Variants in TBK1 observed in about 807,000 individuals in gnomAD.
The protein encoded by TBK1 is TANK binding kinase 1.
In TBK1, 37 loss-of-function variants were observed where a neutral mutation model predicts 99.9. The ratio of observed to expected loss-of-function variants is 0.37; its 90% CI spans 0.28 to 0.49. The LOEUF is 0.49. Among genes scored for constraint, TBK1 ranks in the 20% least tolerant of loss-of-function variants. The pLI is 0.98. For synonymous variants in TBK1, 258 were observed against 279.8 expected (o/e 0.92, Z 0.78); for missense variants, 644 against 872.5 (o/e 0.74, Z 3.30).
At chr12:64,472,358 A>G (rs1020862005) in intron 5 of TBK1, among the ~76,000 whole-genome samples, 1 of 150,866 alleles carries the variant, frequency 6.6e-6, no homozygotes, top group East Asian at 1.9e-4. Context: ...CATTTCCTAC[A>G]CTGGTTCCCA....
chr12:64,462,300 T>C (rs1020931678), intron 3 of TBK1, among the ~76,000 whole-genome samples: 3 of 152,224 alleles, frequency 2.0e-5, no homozygotes, highest in Non-Finnish European at 2.9e-5. Flanking sequence ...CACACAATAG[T>C]TAAGTGGTAA....
At chr12:64,487,693 T>C (rs1176367221) in intron 11 of TBK1, among the ~76,000 whole-genome samples, 1 of 152,232 alleles carries the variant, frequency 6.6e-6, no homozygotes, top group Non-Finnish European at 1.5e-5. Context: ...TAAACCACTG[T>C]TGGCAAACAT....
At chr12:64,482,421 C>T (rs1418393319) in intron 8 of TBK1, among the ~76,000 whole-genome samples, 1 of 151,914 alleles carries the variant, frequency 6.6e-6, no homozygotes, top group Non-Finnish European at 1.5e-5. Flanking sequence ...TATGATAACC[C>T]TATGCAGATA....
rs780879936 is a variant in TBK1 at position 64,460,210 on chromosome 12, A to G, written c.109A>G (p.Ile37Val). ...RHKKTGDLFA[I>V]KVFNNISFLR... ...AAAGAAAACTGGTGATTTATTTGCT[A>G]TCAAAGTATTTAATAACATAAGCTT... The change falls in exon 3 of 21, where the codon ATC (isoleucine) becomes GTC (valine). Residue 37 changes from isoleucine (I) to valine (V), a missense_variant. By Grantham distance (29) the Ile-to-Val change is conservative (BLOSUM62 3). Around this residue, in one of 3 missense-constraint regions of TBK1, gnomAD observed 148 missense variants for 202.1 expected, o/e 0.73. Transcript: ENST00000331710. 4 of 1,528,700 alleles carry G rather than the reference A, an allele frequency of 2.6e-6. No homozygotes were observed. Among genetic ancestry groups the G allele is most frequent in the Admixed American group, 2.0e-5 (1 of 48,818 alleles). 94.7% of individuals were successfully genotyped at this position (1,528,700 alleles called of 1,614,324 possible).
chr12:64,459,426 A>G (rs780886682), intron 2 of TBK1, among the ~76,000 whole-genome samples: 10 of 152,234 alleles, frequency 6.6e-5, no homozygotes, highest in South Asian at 2.1e-4. Context: ...TTCCCTCCCA[A>G]CTACAGCTGT....
rs149583128 is a variant in TBK1 at position 64,484,826 on chromosome 12, T to C, written c.1189+327T>C. 1.1e-4 allele frequency among the ~76,000 whole-genome samples: 16 copies of C among 152,344 alleles called. No homozygotes were observed. The East Asian group carries it at 3.1e-3, about 29-fold the overall frequency. ...CTTATAAAGCTGATGATAATATTAGTGTAGAGCTTTCATAAATATTAAAAT... is the reference window on the plus strand; with the variant it reads ...CTTATAAAGCTGATGATAATATTAGCGTAGAGCTTTCATAAATATTAAAAT... On this transcript the variant is annotated intron_variant, in intron 9 of 20. Transcript: ENST00000331710.
At chr12:64,454,595 T>C (rs1442513990) in intron 1 of TBK1, among the ~76,000 whole-genome samples, 1 of 151,688 alleles carries the variant, frequency 6.6e-6, no homozygotes, top group Non-Finnish European at 1.5e-5. Context: ...TTAAATTGAA[T>C]GTATGTCATT....
chr12:64,485,269 G>T (rs1035117379), intron 9 of TBK1, among the ~76,000 whole-genome samples, 186 bp from the exon 10 acceptor site: 1 of 152,108 alleles, frequency 6.6e-6, no homozygotes, highest in Non-Finnish European at 1.5e-5. Flanking sequence ...AAACTCCTTA[G>T]AAATATTTGA....
intron 13 of TBK1, among the ~76,000 whole-genome samples, chr12:64,491,516 G>A (rs570411263): frequency 1.5e-4 from 23 of 152,192 alleles, no homozygotes; most frequent in African/African-American, 3.9e-4. Context: ...CCAGCTACTT[G>A]GGAGGCTGAG....
intron 6 of TBK1, among the ~76,000 whole-genome samples, chr12:64,476,259 G>GC (rs1439412989): frequency 1.4e-5 from 2 of 144,818 alleles, no homozygotes; most frequent in Admixed American, 1.5e-4. Flanking sequence ...CCTGGTTCAC[G>GC]CTATTCTCCT....
chr12:64,478,462 C>G (rs2040736914), intron 6 of TBK1, among the ~76,000 whole-genome samples: 1 of 152,150 alleles, frequency 6.6e-6, no homozygotes, highest in Admixed American at 6.6e-5. Context: ...CTGGCCCTAT[C>G]TTTTATGAAG....
Position 64,466,976 on chromosome 12 carries a change from T to C in TBK1, c.434T>C (p.Ile145Thr), listed in dbSNP as rs762968088. Reference sequence around the variant, plus strand: ...AAGCCAGGAAATATCATGCGTGTTATAGGGGAAGATGGACAGTCTGTGTAC... The same window carrying C: ...AAGCCAGGAAATATCATGCGTGTTACAGGGGAAGATGGACAGTCTGTGTAC... ...DIKPGNIMRVIGEDGQSVYKL... is the reference protein window; with the variant it reads ...DIKPGNIMRVTGEDGQSVYKL... The change falls in exon 5 of 21, where the codon ATA becomes ACA. Residue 145 changes from isoleucine (I) to threonine (T), a missense_variant. Ile to Thr is a moderately conservative substitution (Grantham distance 89). Coordinates refer to ENST00000331710, the MANE Select transcript of TBK1 (RefSeq NM_013254.4). 1.9e-6 allele frequency: 3 copies of C among 1,613,098 alleles called. No individual in the cohort carries two copies. The highest frequency in any genetic ancestry group is 1.7e-4 in the Middle Eastern group (1 of 6,056).
rs145905497 is a variant in TBK1 at position 64,481,993 on chromosome 12, C to T, written c.964C>T (p.His322Tyr). ...TTTTTCGCTACAACAAATGACAGCT[C>T]ATAAGATTTATATTCATAGCTATAA... ...HVFSLQQMTA[H>Y]KIYIHSYNTA... is the part of the protein sequence containing the mutation. Residue 322 changes from histidine to tyrosine, a missense_variant, in exon 8 of 21, where the codon CAT becomes TAT. His to Tyr is a moderately conservative substitution (Grantham distance 83). Around this residue, in one of 3 missense-constraint regions of TBK1, gnomAD observed 465 missense variants for 588.0 expected, o/e 0.79. Transcript: ENST00000331710. 4.0e-4 allele frequency: 636 copies of T among 1,599,724 alleles called. 2 individuals are homozygous for T. Among genetic ancestry groups the T allele is most frequent in the South Asian group, 2.2e-3 (194 of 89,208 alleles).
chr12:64,480,066 A>C lies in TBK1; in HGVS notation c.756A>C (p.Ala252=), dbSNP rs2040753146. 1 of 1,613,398 alleles carries C rather than the reference A, an allele frequency of 6.2e-7. No homozygotes were observed. Among genetic ancestry groups the C allele is most frequent in the Non-Finnish European group, 8.5e-7 (1 of 1,179,574 alleles). Residue 252 remains alanine, a synonymous_variant, in exon 7 of 21, where the codon GCA becomes GCC. Transcript: ENST00000331710. ...PSGAISGVQK[A]ENGPIDWSGD... is the part of the protein sequence containing the mutation. ...GTGCAATATCTGGAGTACAGAAAGCAGAAAATGGACCAATTGACTGGAGTG... is the reference window on the plus strand; with the variant it reads ...GTGCAATATCTGGAGTACAGAAAGCCGAAAATGGACCAATTGACTGGAGTG...
In TBK1 at chr12:64,484,440, A is replaced by C. The variant is rs1176548627; in HGVS notation, c.1130A>C (p.Asn377Thr). ...AQHFPKTTEE[N>T]PIFVVSREPL... ...CATTTCCCTAAAACTACTGAGGAAA[A>C]CCCTATATTTGTAGTAAGCCGGGAA... The change falls in exon 9 of 21, where the codon AAC becomes ACC. Residue 377 changes from asparagine (N) to threonine (T), a missense_variant. Transcript: ENST00000331710. 6.2e-7 allele frequency: 1 copy of C among 1,614,068 alleles called. No homozygotes were observed. The highest frequency in any genetic ancestry group is 8.5e-7 in the Non-Finnish European group (1 of 1,180,008).
At chr12:64,488,416 C>T (rs2040838207) in intron 11 of TBK1, 71 bp from the exon 12 acceptor site, 1 of 786,674 alleles carries the variant, frequency 1.3e-6, no homozygotes, top group Non-Finnish European at 2.0e-6. Flanking sequence ...TGTAGTACTG[C>T]AGTATAATTA....
chr12:64,468,380 C>G (rs1310847691), intron 5 of TBK1, among the ~76,000 whole-genome samples: 4 of 151,696 alleles, frequency 2.6e-5, no homozygotes, highest in South Asian at 4.2e-4. Context: ...GTAATCTCAG[C>G]TACTTTGGGA....
chr12:64,490,393 T>C (rs974513334), intron 13 of TBK1, among the ~76,000 whole-genome samples: 11 of 152,238 alleles, frequency 7.2e-5, no homozygotes, highest in Non-Finnish European at 1.3e-4. Flanking sequence ...AGAGATGATA[T>C]TTCTCACTGC....
At chr12:64,470,836 T>C (rs770598401) in intron 5 of TBK1, among the ~76,000 whole-genome samples, 7 of 152,216 alleles carry the variant, frequency 4.6e-5, no homozygotes, top group Non-Finnish European at 1.0e-4. Flanking sequence ...TAATCTTTCA[T>C]GTAACCTCCT....
Sources: allele counts gnomAD v4.1 joint callset (sites outside exome capture counted in the v4.1 genomes callset), GRCh38; gene constraint gnomAD v4.1.1; regional missense constraint gnomAD v4.1.1; transcripts MANE v1.5; gene names NCBI Gene and HGNC (gene_info 2026-07-23, HGNC 2026-07-21).